Variants in GABRP observed in about 807,000 individuals in gnomAD.
GABRP encodes gamma-aminobutyric acid type A receptor subunit pi.
Under a neutral mutation model 47.8 loss-of-function variants are expected in GABRP, and 52 were observed. The ratio of observed to expected loss-of-function variants is 1.09; its 90% confidence interval spans 0.87 to 1.37. The LOEUF is 1.37. Among genes scored for constraint, GABRP ranks in the 40% most tolerant of loss-of-function variants. The pLI is 0.00. For missense variants in GABRP, 525 were observed against 542.8 expected (o/e 0.97, Z 0.33); for synonymous variants, 221 against 205.8 (o/e 1.07, Z -0.63).
chr5:170,793,057 A>G (rs1237742154), intron 3 of GABRP, among the ~76,000 whole-genome samples: 1 of 152,130 alleles, frequency 6.6e-6, no homozygotes, highest in African/African-American at 2.4e-5. Context: ...TGACGCTGGG[A>G]GCTTTGTACA....
At chr5:170,797,325 G>C in intron 5 of GABRP, 141 bp from the exon 6 acceptor site, 1 of 643,546 alleles carries the variant, frequency 1.6e-6, no homozygotes, top group Non-Finnish European at 2.9e-6. Context: ...AGAGCCTCAA[G>C]GATGCTTTAC....
intron 1 of GABRP, among the ~76,000 whole-genome samples, chr5:170,786,578 A>T (rs1765136296): frequency 6.6e-6 from 1 of 152,198 alleles, no homozygotes; most frequent in Non-Finnish European, 1.5e-5. Context: ...AGCATGTTTC[A>T]TGGTGCACTC....
rs1317500032 is a variant in GABRP at position 170,788,445 on chromosome 5, A to G, written c.-42-129A>G. The G allele has an allele frequency of 1.2e-5, 7 of 607,672 alleles. No individual in the cohort carries two copies. The Admixed American group carries it at 1.9e-4, about 17-fold the overall frequency. 37.6% of individuals were successfully genotyped at this position (607,672 alleles called of 1,614,324 possible). A position where few individuals can be genotyped will look rare whatever the true frequency, so the allele number is the denominator to read the frequency against. ...GGAGAAGGAGCTGTAACCGAAAGGT[A>G]TGGAAAGAGGCTGCTTCCTATGCAT... On this transcript the variant is annotated intron_variant, in intron 1 of 9. Coordinates refer to ENST00000265294, the MANE Select transcript of GABRP (RefSeq NM_014211.3).
At chr5:170,796,006 C>T (rs1388514269) in intron 5 of GABRP, among the ~76,000 whole-genome samples, 1 of 152,132 alleles carries the variant, frequency 6.6e-6, no homozygotes, top group Non-Finnish European at 1.5e-5. Context: ...TCCCCAAATT[C>T]CTGAAGCTCA....
rs938151866 is a variant in GABRP, at chr5:170,812,574, CAT to C, written c.*320_*321del. 1 of 253,930 alleles carries C rather than the reference CAT, an allele frequency of 3.9e-6. No homozygotes were observed. Among genetic ancestry groups the C allele is most frequent in the African/African-American group, 2.2e-5 (1 of 45,792 alleles). 15.7% of individuals were successfully genotyped at this position (253,930 alleles called of 1,614,324 possible). Reference sequence around the variant, plus strand: ...GTGGCTCCCTGGTTTGCATTTACCTCATATAAAGAATGGGAAGGAGACCATTG... The same window carrying C: ...GTGGCTCCCTGGTTTGCATTTACCTCATAAAGAATGGGAAGGAGACCATTG... On this transcript the variant is annotated 3_prime_UTR_variant, in exon 10 of 10. Coordinates refer to ENST00000265294, the MANE Select transcript of GABRP (RefSeq NM_014211.3).
At chr5:170,786,971 G>T (rs1765145654) in intron 1 of GABRP, among the ~76,000 whole-genome samples, 1 of 152,096 alleles carries the variant, frequency 6.6e-6, no homozygotes. Flanking sequence ...GAAGAAATGG[G>T]GGGGGACTTT....
rs1022170858 is a variant in GABRP, at chr5:170,812,856, C to A, written c.*598C>A. Reference sequence around the variant, plus strand: ...GAATTATCCCCAATTTCCAATAAGTCCTATCATTGAAAATTCAAATATAAG... The same window carrying A: ...GAATTATCCCCAATTTCCAATAAGTACTATCATTGAAAATTCAAATATAAG... On this transcript the variant is annotated 3_prime_UTR_variant, in exon 10 of 10. Coordinates refer to ENST00000265294, the MANE Select transcript of GABRP (RefSeq NM_014211.3). 5 of 152,086 alleles carry A rather than the reference C, an allele frequency of 3.3e-5. No individual in the cohort carries two copies. Among genetic ancestry groups the A allele is most frequent in the African/African-American group, 9.7e-5 (4 of 41,376 alleles). The allele number at this position is 152,086 out of a possible 1,614,324, so 9.4% of individuals were successfully genotyped here. A position where few individuals can be genotyped will look rare whatever the true frequency, so the allele number is the denominator to read the frequency against.
intron 6 of GABRP, 139 bp from the exon 7 acceptor site, chr5:170,805,577 A>C (rs1765709832): frequency 1.1e-6 from 1 of 942,996 alleles, no homozygotes; most frequent in African/African-American, 1.7e-5. Flanking sequence ...AATCTTGCTA[A>C]GTTCTGCATG....
At chr5:170,810,725 T>C (rs976228655) in intron 9 of GABRP, among the ~76,000 whole-genome samples, 2 of 152,156 alleles carry the variant, frequency 1.3e-5, no homozygotes, top group Admixed American at 1.3e-4. Context: ...GAGGATCTAA[T>C]AGTGTAGAAT....
At chr5:170,799,016 T>A (rs1765515851) in intron 6 of GABRP, among the ~76,000 whole-genome samples, 1 of 147,912 alleles carries the variant, frequency 6.8e-6, no homozygotes, top group South Asian at 2.2e-4. Flanking sequence ...CACCTATGAG[T>A]GAGAACATGC....
chr5:170,800,229 C>T (rs112867923), intron 6 of GABRP, among the ~76,000 whole-genome samples: 6,484 of 152,186 alleles, frequency 0.043, 470 homozygotes, highest in African/African-American at 0.15. Flanking sequence ...CTGGCAAAAA[C>T]AAGAAATGGG....
intron 8 of GABRP, 106 bp downstream of exon 8, chr5:170,808,858 T>C (rs1352811980): frequency 9.7e-6 from 9 of 929,114 alleles, no homozygotes; most frequent in Middle Eastern, 4.4e-4. Context: ...GTTCCAAGAG[T>C]TGTTTTCTTG....
intron 1 of GABRP, 138 bp from the exon 2 acceptor site, chr5:170,788,436 C>T (rs1295394727): frequency 3.6e-6 from 2 of 554,812 alleles, no homozygotes; most frequent in Non-Finnish European, 6.4e-6. Context: ...GGAGCTGTAA[C>T]CGAAAGGTAT....
rs1279555073 is a variant in GABRP at position 170,788,362 on chromosome 5, A to AC, written c.-42-212_-42-211insC. 1.5e-5 allele frequency: 6 copies of AC among 397,798 alleles called. No homozygotes were observed. In the African/African-American group the frequency reaches 1.8e-4, roughly 12 times the overall value. The allele number at this position is 397,798 out of a possible 1,614,324, so 24.6% of individuals were successfully genotyped here. ...AGGCCCTGTTTAAAAAAAATAAAAA[A>AC]TTAAAAAAAAAAAAAACATAATCCT... On this transcript the variant is annotated intron_variant, in intron 1 of 9. Coordinates refer to ENST00000265294, the MANE Select transcript of GABRP (RefSeq NM_014211.3).
intron 6 of GABRP, among the ~76,000 whole-genome samples, chr5:170,797,911 C>T (rs12514407): frequency 0.2 from 30,837 of 152,234 alleles, 3,372 homozygotes; most frequent in East Asian, 0.27. Context: ...GACACACAGT[C>T]GTGCCCATGT....
At chr5:170,794,375 CAAA>C (rs34296291) in intron 4 of GABRP, 77 bp downstream of exon 4, 20,914 of 256,698 alleles carry the variant, frequency 0.081, 36 homozygotes, top group East Asian at 0.1. Flanking sequence ...TCTAGCCGCT[CAAA>C]AAAAAAAAAA....
chr5:170,798,617 C>T, intron 6 of GABRP, among the ~76,000 whole-genome samples: 1 of 151,916 alleles, frequency 6.6e-6, no homozygotes, highest in East Asian at 1.9e-4. Flanking sequence ...TTGCCACCCA[C>T]CCACCCTTAC....
upstream of GABRP, among the ~76,000 whole-genome samples, chr5:170,783,249 T>C (rs1042238966): frequency 4.6e-5 from 7 of 152,318 alleles, no homozygotes; most frequent in East Asian, 1.4e-3. Context: ...TGAAAGTCTC[T>C]TTTAACATAG....
chr5:170,800,412 C>T (rs1346178741), intron 6 of GABRP, among the ~76,000 whole-genome samples: 1 of 152,080 alleles, frequency 6.6e-6, no homozygotes, highest in East Asian at 1.9e-4. Flanking sequence ...TAAGCAATAC[C>T]ATTCAGAACA....
Sources: allele counts gnomAD v4.1 joint callset (sites outside exome capture counted in the v4.1 genomes callset), GRCh38; gene constraint gnomAD v4.1.1; transcripts MANE v1.5; gene names NCBI Gene and HGNC (gene_info 2026-07-23, HGNC 2026-07-21).